The following ADARB2 variants were observed in gnomAD, a reference collection of about 807,000 sequenced individuals.
The protein encoded by ADARB2 is inactive double-stranded RNA-specific editase B2.
A neutral mutation model predicts 62.2 loss-of-function variants in ADARB2; 25 were observed. The observed-to-expected ratio is 0.40, with a 90% CI of 0.29 to 0.56. The LOEUF is 0.56. Ranked by LOEUF, ADARB2 falls within the 20% of genes least tolerant of loss-of-function variation. The pLI is 0.43. For synonymous variants in ADARB2, 572 were observed against 500.8 expected (o/e 1.14, Z -1.90); for missense variants, 1,071 against 1,077.4 (o/e 0.99, Z 0.08).
intron 1 of ADARB2, among the ~76,000 whole-genome samples, chr10:1,416,563 C>T (rs72762977): frequency 6.6e-6 from 1 of 152,118 alleles, no homozygotes; most frequent in Non-Finnish European, 1.5e-5. Flanking sequence ...AGAGCTAGAG[C>T]AGGTAACTGG....
intron 3 of ADARB2, among the ~76,000 whole-genome samples, chr10:1,304,599 A>G (rs1370832231): frequency 6.6e-6 from 1 of 151,592 alleles, no homozygotes; most frequent in Non-Finnish European, 1.5e-5. Flanking sequence ...CACCACACCT[A>G]TTCCAAAATT....
intron 1 of ADARB2, among the ~76,000 whole-genome samples, chr10:1,455,397 G>A (rs185953455): frequency 1.3e-4 from 20 of 152,174 alleles, no homozygotes; most frequent in Non-Finnish European, 2.6e-4. Context: ...AGGCTATTCA[G>A]ACTATGATGA....
At position 1,177,355 on chromosome 10, in the gene ADARB2, C is replaced by T. The variant is rs1218564077; in HGVS notation, c.*5838G>A. ...TTTTTATTTACTTAACAGAAACATT[C>T]ACTTATTAGATATCACTGAAGTGCA... On this transcript the variant is annotated 3_prime_UTR_variant, in exon 10 of 10. Transcript: ENST00000381312. 6.6e-6 allele frequency: 1 copy of T among 152,146 alleles called. No homozygotes were observed. The highest frequency in any genetic ancestry group is 1.5e-5 in the Non-Finnish European group (1 of 68,038). 9.4% of individuals were successfully genotyped at this position (152,146 alleles called of 1,614,324 possible).
At chr10:1,387,014 G>A (rs1832530977) in intron 1 of ADARB2, among the ~76,000 whole-genome samples, 1 of 151,832 alleles carries the variant, frequency 6.6e-6, no homozygotes. Flanking sequence ...CATTGTAAGT[G>A]ACCCAAGAGT....
chr10:1,198,655 G>A (rs1392185938), intron 8 of ADARB2, among the ~76,000 whole-genome samples: 1 of 152,272 alleles, frequency 6.6e-6, no homozygotes, highest in East Asian at 1.9e-4. Context: ...GAAGCAGACA[G>A]GTGTCTCTCG....
chr10:1,192,367 C>T (rs1459571053), intron 8 of ADARB2, among the ~76,000 whole-genome samples: 1 of 152,100 alleles, frequency 6.6e-6, no homozygotes, highest in Non-Finnish European at 1.5e-5. Flanking sequence ...AGACACGCTG[C>T]GGGGTCTTTC....
chr10:1,387,778 C>G (rs1185433251), intron 1 of ADARB2, among the ~76,000 whole-genome samples: 1 of 151,852 alleles, frequency 6.6e-6, no homozygotes, highest in African/African-American at 2.4e-5. Flanking sequence ...AAAGCCAAAA[C>G]CAATCAATGA....
intron 1 of ADARB2, among the ~76,000 whole-genome samples, chr10:1,481,805 T>G (rs1251593059): frequency 1.4e-5 from 2 of 147,002 alleles, no homozygotes; most frequent in African/African-American, 5.1e-5. Flanking sequence ...TGCAGTGAGC[T>G]GAGATTGTGC....
intron 1 of ADARB2, among the ~76,000 whole-genome samples, chr10:1,464,417 G>A (rs1449253352): frequency 4.7e-5 from 6 of 128,332 alleles, no homozygotes; most frequent in African/African-American, 6.0e-5. Flanking sequence ...CCACACACGC[G>A]CGGGGGCCAG....
At chr10:1,185,365 C>T (rs1464436968) in intron 8 of ADARB2, among the ~76,000 whole-genome samples, 4 of 152,176 alleles carry the variant, frequency 2.6e-5, no homozygotes, top group South Asian at 2.1e-4. Context: ...AACAGAGCCA[C>T]GTGGAAGTGA....
At chr10:1,359,813 A>C (rs1444570024) in intron 3 of ADARB2, among the ~76,000 whole-genome samples, 1 of 152,184 alleles carries the variant, frequency 6.6e-6, no homozygotes, top group Non-Finnish European at 1.5e-5. Context: ...TGACCACCCG[A>C]CGAGCTGGAA....
At chr10:1,275,443 G>A (rs1283132499) in intron 3 of ADARB2, among the ~76,000 whole-genome samples, 6 of 152,346 alleles carry the variant, frequency 3.9e-5, no homozygotes. Flanking sequence ...GCCCTCAAGG[G>A]CAGGGCACTT....
chr10:1,183,147 A>T lies in ADARB2; in HGVS notation c.*46T>A. The T allele has an allele frequency of 6.3e-7, 1 of 1,593,308 alleles. No homozygotes were observed. The highest frequency in any genetic ancestry group is 8.6e-7 in the Non-Finnish European group (1 of 1,166,324). The stretch of plus-strand genomic sequence containing the variant: ...CACGTCGCCCCCCAGACACGGTCCC[A>T]TCCCTCCAGCGTCCCGCTCAGCTCC... On this transcript the variant is annotated 3_prime_UTR_variant, in exon 10 of 10. Coordinates refer to ENST00000381312, the MANE Select transcript of ADARB2 (RefSeq NM_018702.4).
intron 1 of ADARB2, among the ~76,000 whole-genome samples, chr10:1,617,969 G>C (rs1208645209): frequency 2.6e-5 from 4 of 152,230 alleles, no homozygotes; most frequent in Non-Finnish European, 5.9e-5. Context: ...TGAGTTCAGT[G>C]AATTGCTGTC....
At chr10:1,367,270 T>C (rs1588234293) in intron 2 of ADARB2, among the ~76,000 whole-genome samples, 1 of 152,248 alleles carries the variant, frequency 6.6e-6, no homozygotes, top group East Asian at 1.9e-4. Context: ...CCGAAGGCTC[T>C]GGGCTCTGCT....
chr10:1,665,684 G>A (rs1038312004), intron 1 of ADARB2, among the ~76,000 whole-genome samples: 17 of 152,256 alleles, frequency 1.1e-4, no homozygotes, highest in Admixed American at 7.8e-4. Flanking sequence ...CCTCGGTCCT[G>A]AGGACATCAA....
intron 1 of ADARB2, among the ~76,000 whole-genome samples, chr10:1,521,785 C>G (rs1356387797): frequency 1.4e-4 from 21 of 150,960 alleles, no homozygotes; most frequent in Non-Finnish European, 2.7e-4. Context: ...ATCCACCCCC[C>G]ACTACCCCCA....
rs568449420 is a variant in ADARB2 at position 1,356,273 on chromosome 10, C to T, written c.1077+6755G>A. Among the ~76,000 whole-genome samples the T allele has an allele frequency of 1.8e-4, 28 of 152,284 alleles. No homozygotes were observed. The East Asian group carries it at 2.9e-3, about 16-fold the overall frequency. On this transcript the variant is annotated intron_variant, in intron 3 of 9. Coordinates refer to ENST00000381312, the MANE Select transcript of ADARB2 (RefSeq NM_018702.4). Reference sequence around the variant, plus strand: ...GCCACAAAACCCAGAAGGTGAGGTGCTGAAAGAAAGCAAGCTGCTGGGATC... The same window carrying T: ...GCCACAAAACCCAGAAGGTGAGGTGTTGAAAGAAAGCAAGCTGCTGGGATC...
intron 1 of ADARB2, among the ~76,000 whole-genome samples, chr10:1,620,632 A>G (rs1833693921): frequency 6.6e-6 from 1 of 152,242 alleles, no homozygotes; most frequent in African/African-American, 2.4e-5. Context: ...CAGTTGTTCT[A>G]ATATTATATT....
Sources: allele counts gnomAD v4.1 joint callset (sites outside exome capture counted in the v4.1 genomes callset), GRCh38; gene constraint gnomAD v4.1.1; transcripts MANE v1.5; gene names NCBI Gene and HGNC (gene_info 2026-07-23, HGNC 2026-07-21).